PCDHGA7: variants seen among roughly 807,000 people sequenced by gnomAD.
PCDHGA7 encodes protocadherin gamma-A7.
In PCDHGA7, 44 loss-of-function variants were observed where a neutral mutation model predicts 58.3. The ratio of observed to expected loss-of-function variants is 0.75; its 90% CI spans 0.59 to 0.97. The LOEUF (loss-of-function observed/expected upper bound fraction) is 0.97, where lower values mean the gene tolerates loss of function less well. PCDHGA7 is among the 50% of genes least tolerant of loss of function. The pLI, the probability that PCDHGA7 is intolerant of heterozygous loss-of-function variation, is 0.00. For synonymous variants in PCDHGA7, 516 were observed against 504.2 expected, an observed-to-expected ratio of 1.02 and a Z score of -0.31; for missense variants, 1,266 against 1,188.7, an observed-to-expected ratio of 1.06 and a Z score of -0.96.
chr5:141,500,641 TA>T (rs1306300025), intron 2 of PCDHGA7, among the ~76,000 whole-genome samples: 4 of 152,346 alleles, frequency 2.6e-5, no homozygotes, highest in Middle Eastern at 3.4e-3. Flanking sequence ...ACTAGTTTTT[TA>T]AAAATAGCAA....
intron 1 of PCDHGA7, among the ~76,000 whole-genome samples, chr5:141,458,883 C>A (rs1171747288): frequency 6.6e-6 from 1 of 152,136 alleles, no homozygotes; most frequent in East Asian, 1.9e-4. Flanking sequence ...CAGGCATGCA[C>A]ACCATGCGCA....
Position 141,476,845 on chromosome 5 carries a change from C to T in PCDHGA7, c.2425-17962C>T. On this transcript the variant is annotated intron_variant, in intron 1 of 3. Transcript: ENST00000518325. The surrounding 1 kb of genome is among the most constrained non-coding windows in gnomAD (Gnocchi z 7.6). ...TGGACGCGAATGACAATGCGCCTGT[C>T]TTCAACCAGTCCTTGTACCGGGCGC... 1 of 1,613,794 alleles carries T rather than the reference C, an allele frequency of 6.2e-7. No homozygotes were observed. Among genetic ancestry groups the T allele is most frequent in the Non-Finnish European group, 8.5e-7 (1 of 1,180,054 alleles).
rs780541121 is a variant in PCDHGA7 at position 141,477,533 on chromosome 5, G to T, written c.2425-17274G>T. ...TTACATTGAAGAAAACAACCTCCCCGGGGCTCCAATACTAAACCTAAGTGT... is the reference window on the plus strand; with the variant it reads ...TTACATTGAAGAAAACAACCTCCCCTGGGCTCCAATACTAAACCTAAGTGT... On this transcript the variant is annotated intron_variant, in intron 1 of 3. Coordinates refer to ENST00000518325, the MANE Select transcript of PCDHGA7 (RefSeq NM_018920.4). This position sits in a 1 kb window ranked among gnomAD's most constrained non-coding sequence, Gnocchi z 4.9. 6.2e-7 allele frequency: 1 copy of T among 1,614,010 alleles called. No homozygotes were observed. The highest frequency in any genetic ancestry group is 1.1e-5 in the South Asian group (1 of 91,066).
intron 1 of PCDHGA7, among the ~76,000 whole-genome samples, chr5:141,387,359 C>A (rs2150333777): frequency 6.6e-6 from 1 of 152,208 alleles, no homozygotes; most frequent in East Asian, 1.9e-4. Flanking sequence ...TAGGCCAAGT[C>A]TGTGTTATGG....
At chr5:141,421,316 G>A in intron 1 of PCDHGA7, 1 of 1,613,866 alleles carries the variant, frequency 6.2e-7, no homozygotes, top group Non-Finnish European at 8.5e-7. Flanking sequence ...TTCCGGGCCA[G>A]GCAGATCCGA....
Position 141,409,860 on chromosome 5 carries a change from G to A in PCDHGA7, c.2424+24537G>A, listed in dbSNP as rs764823576. On this transcript the variant is annotated intron_variant, in intron 1 of 3. Transcript: ENST00000518325. ...AACGTGAGCCTGCGCGTGTTGGTGG[G>A]AGACCGCAATGACAACGCACCGCGG... is the stretch of plus-strand genomic sequence containing the variant. The A allele has an allele frequency of 1.2e-5, 20 of 1,612,364 alleles. No homozygotes were observed. In the South Asian group the frequency reaches 1.8e-4, roughly 14 times the overall value.
chr5:141,438,811 G>T (rs2098067148), intron 1 of PCDHGA7, among the ~76,000 whole-genome samples: 1 of 149,790 alleles, frequency 6.7e-6, no homozygotes, highest in East Asian at 2.0e-4. Context: ...ACAGGCGCCT[G>T]TCACCATGCC....
At chr5:141,420,651 T>A (rs1357679146) in intron 1 of PCDHGA7, among the ~76,000 whole-genome samples, 1 of 152,274 alleles carries the variant, frequency 6.6e-6, no homozygotes, top group East Asian at 1.9e-4. Flanking sequence ...GTAAGAATTA[T>A]AGTTAGGCAT....
chr5:141,420,960 T>C, intron 1 of PCDHGA7: 1 of 425,378 alleles, frequency 2.4e-6, no homozygotes, highest in East Asian at 3.9e-5. Context: ...TCTTAGTCGT[T>C]GCAATAATAA....
At chr5:141,410,849 CTTTTTTTTTTTT>C (rs759346998) in intron 1 of PCDHGA7, 1 of 129,786 alleles carries the variant, frequency 7.7e-6, no homozygotes, top group East Asian at 2.3e-4. Flanking sequence ...TTGTCTTTGT[CTTTTTTTTTTTT>C]TTTTTTTTTT....
In PCDHGA7 at chr5:141,390,041, C is replaced by A. The variant is rs373243233; in HGVS notation, c.2424+4718C>A. On this transcript the variant is annotated intron_variant, in intron 1 of 3. Coordinates refer to ENST00000518325, the MANE Select transcript of PCDHGA7 (RefSeq NM_018920.4). ...TGCGCCTGCGACGCTCCTCCAGCCC[C>A]GCCTCCTGGAGCTGCTTCCAGCCTG... is the stretch of plus-strand genomic sequence containing the variant. The A allele has an allele frequency of 3.7e-6, 6 of 1,613,940 alleles. No homozygotes were observed. In the African/African-American group the frequency reaches 8.0e-5, roughly 22 times the overall value.
In PCDHGA7 at chr5:141,494,850, G is replaced by C. The variant is rs2099757124; in HGVS notation, c.2468G>C (p.Arg823Thr). 1.2e-6 allele frequency: 2 copies of C among 1,614,124 alleles called. No individual in the cohort carries two copies. The highest frequency in any genetic ancestry group is 1.7e-6 in the Non-Finnish European group (2 of 1,180,018). Reference protein sequence around the residue: ...NTDWRFSQAQRPGTSGSQNGD... With the variant: ...NTDWRFSQAQTPGTSGSQNGD... ...GACTGGCGTTTCTCTCAGGCCCAGA[G>C]ACCCGGCACCAGCGGGTAGGTGACT... is the stretch of plus-strand genomic sequence containing the variant. The change falls in exon 2 of 4, where the codon AGA becomes ACA. Residue 823 changes from arginine to threonine, a missense_variant. Physicochemically the swap from Arg to Thr is moderately conservative, Grantham distance 71. Transcript: ENST00000518325.
rs1290682140 is a variant in PCDHGA7 at position 141,431,692 on chromosome 5, G to A, written c.2424+46369G>A. 1 of 1,614,132 alleles carries A rather than the reference G, an allele frequency of 6.2e-7. No homozygotes were observed. The highest frequency in any genetic ancestry group is 2.2e-5 in the East Asian group (1 of 44,888). On this transcript the variant is annotated intron_variant, in intron 1 of 3. Transcript: ENST00000518325. The surrounding 1 kb of genome is among the most constrained non-coding windows in gnomAD (Gnocchi z 4.8). The stretch of plus-strand genomic sequence containing the variant: ...CAATAGGGGAGTTGGACCACGAGGA[G>A]TCAGGATTCTACCAGATGGAAGTGC...
At chr5:141,464,657 T>G (rs575409062) in intron 1 of PCDHGA7, among the ~76,000 whole-genome samples, 1 of 152,312 alleles carries the variant, frequency 6.6e-6, no homozygotes, top group South Asian at 2.1e-4. Context: ...GGTAAAAAGA[T>G]ATCTCCAAAT....
At chr5:141,457,125 C>T (rs1011977795) in intron 1 of PCDHGA7, among the ~76,000 whole-genome samples, 3 of 152,236 alleles carry the variant, frequency 2.0e-5, no homozygotes, top group Admixed American at 6.5e-5. Flanking sequence ...GCAATGGAAA[C>T]TCTGTCCAAT....
intron 1 of PCDHGA7, chr5:141,418,462 C>G: frequency 1.2e-6 from 2 of 1,613,974 alleles, no homozygotes; most frequent in Non-Finnish European, 8.5e-7. Flanking sequence ...AGACTCTGGA[C>G]CGAGAAACGC....
At chr5:141,505,592 A>G in intron 3 of PCDHGA7, 111 bp downstream of exon 3, 1 of 1,567,266 alleles carries the variant, frequency 6.4e-7, no homozygotes. Context: ...GTTTCTCCAG[A>G]TCTTTCGGCA....
chr5:141,413,391 C>T lies in PCDHGA7; in HGVS notation c.2424+28068C>T, dbSNP rs375582894. ...CGGAGCGCGGAGTCCGCATAGTCTC[C>T]AGAGGTAGGACGCAGCTTTTCTCTC... On this transcript the variant is annotated intron_variant, in intron 1 of 3. Transcript: ENST00000518325. The T allele has an allele frequency of 1.2e-5, 19 of 1,613,902 alleles. No homozygotes were observed. In the African/African-American group the frequency reaches 2.4e-4, roughly 20 times the overall value.
chr5:141,423,484 A>G, intron 1 of PCDHGA7: 1 of 1,613,722 alleles, frequency 6.2e-7, no homozygotes, highest in Non-Finnish European at 8.5e-7. Flanking sequence ...TTTCCTGCAA[A>G]CCTATTCCCA....
Sources: gnomAD v4.1 joint callset for allele counts (sites outside exome capture counted in the v4.1 genomes callset) on GRCh38, gnomAD v4.1.1 for gene constraint, Gnocchi (gnomAD v3.1) non-coding constraint, MANE v1.5 for transcripts, NCBI Gene and HGNC (gene_info 2026-07-23, HGNC 2026-07-21) for gene names.